Variants in PHTF2 observed in about 807,000 individuals in gnomAD.
PHTF2 encodes the protein putative homeodomain transcription factor 2.
PHTF2 carries 60 observed loss-of-function variants against 101.2 expected under a neutral mutation model. That is an observed-to-expected ratio of 0.59 (90% CI 0.48 to 0.73). PHTF2 has a LOEUF of 0.73. Among genes scored for constraint, PHTF2 ranks in the 30% least tolerant of loss-of-function variants. The pLI is 0.00. For synonymous variants in PHTF2, 311 were observed against 307.3 expected (o/e 1.01, Z -0.13); for missense variants, 747 against 908.7 (o/e 0.82, Z 2.29).
chr7:77,831,938 C>G (rs572237539), intron 1 of PHTF2, among the ~76,000 whole-genome samples: 38 of 152,128 alleles, frequency 2.5e-4, no homozygotes, highest in Non-Finnish European at 4.9e-4. Context: ...GAAATGGATG[C>G]AGAGCACACA....
chr7:77,894,075 A>G (rs966269766), intron 5 of PHTF2, 82 bp downstream of exon 4: 1 of 1,033,218 alleles, frequency 9.7e-7, no homozygotes, highest in African/African-American at 1.6e-5. Context: ...TTTTGGTGCT[A>G]CTAACAGATT....
At chr7:77,946,721 AAAT>A (rs763379640) in intron 16 of PHTF2, among the ~76,000 whole-genome samples, 7 of 152,312 alleles carry the variant, frequency 4.6e-5, no homozygotes, top group Non-Finnish European at 8.8e-5. Context: ...AGTAATATAA[AAAT>A]TTCCTTTAGC....
intron 13 of PHTF2, among the ~76,000 whole-genome samples, chr7:77,938,461 T>C (rs187857109): frequency 0.017 from 2,631 of 152,348 alleles, 39 homozygotes; most frequent in Non-Finnish European, 0.028. Flanking sequence ...CCGGGCGCGG[T>C]GGCTCACGCC....
intron 2 of PHTF2, among the ~76,000 whole-genome samples, chr7:77,845,841 C>T (rs1172042024): frequency 6.6e-6 from 1 of 152,206 alleles, no homozygotes; most frequent in Non-Finnish European, 1.5e-5. Flanking sequence ...ACAAATCTAA[C>T]TCAAACTATC....
intron 6 of PHTF2, among the ~76,000 whole-genome samples, chr7:77,901,494 A>G (rs1028583546): frequency 1.3e-5 from 2 of 151,666 alleles, no homozygotes; most frequent in African/African-American, 4.9e-5. Flanking sequence ...ACCAAAAAAC[A>G]ATTAAAGTGG....
intron 1 of PHTF2, among the ~76,000 whole-genome samples, chr7:77,824,258 TG>T (rs931493074): frequency 1.1e-4 from 16 of 151,206 alleles, no homozygotes; most frequent in Admixed American, 4.6e-4. Context: ...CATCCTGGTT[TG>T]TTTTTTTTTT....
chr7:77,839,038 A>G (rs573907398), intron 1 of PHTF2, among the ~76,000 whole-genome samples: 2 of 152,294 alleles, frequency 1.3e-5, no homozygotes, highest in Non-Finnish European at 2.9e-5. Flanking sequence ...CTCATCATGC[A>G]TGCTCCCAAG....
intron 3 of PHTF2, among the ~76,000 whole-genome samples, chr7:77,876,672 C>G (rs952251563): frequency 3.3e-5 from 5 of 152,104 alleles, no homozygotes; most frequent in Non-Finnish European, 7.4e-5. Context: ...GAGGAAGGAT[C>G]ACTTGCGCCC....
At chr7:77,910,987 C>T (rs1016025531) in intron 9 of PHTF2, among the ~76,000 whole-genome samples, 1 of 151,990 alleles carries the variant, frequency 6.6e-6, no homozygotes, top group Admixed American at 6.6e-5. Flanking sequence ...TTTTTATCAC[C>T]GTTTTGGGTC....
intron 1 of PHTF2, among the ~76,000 whole-genome samples, chr7:77,829,639 T>C (rs1794935451): frequency 6.6e-6 from 1 of 152,192 alleles, no homozygotes; most frequent in Non-Finnish European, 1.5e-5. Context: ...TTATGAAAGA[T>C]GTGATTTGAA....
In PHTF2 at chr7:77,813,687, A is replaced by G. The variant is rs1028295474; in HGVS notation, c.-36+14716A>G. ...CTATACATAGCTTACTTAGCTCATCATTCTGGCTTAAATAGTAGTTGCAGT... is the reference window on the plus strand; with the variant it reads ...CTATACATAGCTTACTTAGCTCATCGTTCTGGCTTAAATAGTAGTTGCAGT... On this transcript the variant is annotated intron_variant, in intron 1 of 19. Coordinates refer to ENST00000416283, the Ensembl canonical transcript of PHTF2. 4.6e-5 allele frequency among the ~76,000 whole-genome samples: 7 copies of G among 152,238 alleles called. No individual in the cohort carries two copies. The East Asian group carries it at 1.2e-3, about 25-fold the overall frequency.
chr7:77,850,257 G>A (rs1796634398), intron 2 of PHTF2, among the ~76,000 whole-genome samples: 1 of 149,352 alleles, frequency 6.7e-6, no homozygotes, highest in Admixed American at 6.7e-5. Context: ...TACTTGGGAA[G>A]CTGAGGTGGG....
At chr7:77,852,956 T>C (rs1029672315) in intron 2 of PHTF2, among the ~76,000 whole-genome samples, 28 of 152,316 alleles carry the variant, frequency 1.8e-4, no homozygotes, top group African/African-American at 6.7e-4. Context: ...CCAGATGTAT[T>C]GGAGCTCCAT....
At chr7:77,831,318 C>A (rs544239129) in intron 1 of PHTF2, among the ~76,000 whole-genome samples, 2 of 152,362 alleles carry the variant, frequency 1.3e-5, no homozygotes, top group South Asian at 4.1e-4. Context: ...TTATTCTTAG[C>A]GGCTAAAGCA....
intron 2 of PHTF2, among the ~76,000 whole-genome samples, chr7:77,840,900 G>A (rs973734737): frequency 6.6e-5 from 10 of 151,836 alleles, no homozygotes; most frequent in African/African-American, 1.7e-4. Flanking sequence ...AATGAGTGTT[G>A]TTTATATTCT....
At chr7:77,880,578 C>T (rs1799323586) in intron 3 of PHTF2, among the ~76,000 whole-genome samples, 1 of 152,140 alleles carries the variant, frequency 6.6e-6, no homozygotes, top group African/African-American at 2.4e-5. Context: ...GGTCATCCTT[C>T]TCGCCCTGCT....
chr7:77,822,887 A>G (rs548724728), intron 1 of PHTF2, among the ~76,000 whole-genome samples: 95 of 150,682 alleles, frequency 6.3e-4, no homozygotes, highest in African/African-American at 2.2e-3. Flanking sequence ...ACCCTCTGAA[A>G]TTAAAAATAT....
At chr7:77,860,398 C>G (rs1260654193) in intron 3 of PHTF2, among the ~76,000 whole-genome samples, 1 of 152,192 alleles carries the variant, frequency 6.6e-6, no homozygotes, top group African/African-American at 2.4e-5. Context: ...TTATACACAA[C>G]AATTTAAAGT....
chr7:77,863,850 G>A (rs563590248), intron 3 of PHTF2, among the ~76,000 whole-genome samples: 1 of 148,230 alleles, frequency 6.7e-6, no homozygotes, highest in Non-Finnish European at 1.5e-5. Flanking sequence ...GCAGTGGCAC[G>A]ATCATGGCTC....
Sources: allele counts gnomAD v4.1 joint callset (sites outside exome capture counted in the v4.1 genomes callset), GRCh38; gene constraint gnomAD v4.1.1; transcripts MANE v1.5; gene names NCBI Gene and HGNC (gene_info 2026-07-23, HGNC 2026-07-21).